SASH1: variants seen among roughly 807,000 people sequenced by gnomAD.
SASH1 encodes the protein SAM and SH3 domain containing 1.
In SASH1, 44 loss-of-function variants were observed where a neutral mutation model predicts 125.2. That is an observed-to-expected ratio of 0.35 (90% CI 0.28 to 0.45). The LOEUF is 0.45. SASH1 is among the 20% of genes least tolerant of loss of function. The pLI, the probability that SASH1 is intolerant of heterozygous loss-of-function variation, is 1.00. For missense variants in SASH1, 1,426 were observed against 1,614.5 expected, an observed-to-expected ratio of 0.88 and a Z score of 2.00; for synonymous variants, 639 against 649.1, an observed-to-expected ratio of 0.98 and a Z score of 0.24.
At chr6:148,421,087 AAAAAGAAAAG>A (rs1186104166) in intron 2 of SASH1, among the ~76,000 whole-genome samples, 6 of 150,180 alleles carry the variant, frequency 4.0e-5, no homozygotes, top group African/African-American at 1.2e-4. Flanking sequence ...CTGTCTCCAA[AAAAAGAAAAG>A]AAAAGAAAAG....
intron 1 of SASH1, among the ~76,000 whole-genome samples, chr6:148,367,455 G>A (rs773664728): frequency 2.0e-5 from 3 of 152,144 alleles, no homozygotes; most frequent in Non-Finnish European, 4.4e-5. Flanking sequence ...GAGGCCCTGC[G>A]CAGGTCTGCA....
At chr6:148,442,204 T>C (rs2115008987) in intron 4 of SASH1, among the ~76,000 whole-genome samples, 1 of 151,958 alleles carries the variant, frequency 6.6e-6, no homozygotes, top group Non-Finnish European at 1.5e-5. Context: ...CTGGGCAACA[T>C]AGTAAGACCC....
At chr6:148,444,130 G>A (rs1302289982) in intron 4 of SASH1, among the ~76,000 whole-genome samples, 4 of 152,292 alleles carry the variant, frequency 2.6e-5, no homozygotes, top group South Asian at 2.1e-4. Context: ...CTGCTCCTGC[G>A]ACTCCTGCCT....
intron 12 of SASH1, among the ~76,000 whole-genome samples, 165 bp downstream of exon 12, chr6:148,527,761 G>A (rs1304194168): frequency 2.0e-5 from 3 of 152,162 alleles, no homozygotes; most frequent in African/African-American, 7.2e-5. Flanking sequence ...TTCAACACAC[G>A]TTTATTAAGC....
At chr6:148,214,976 G>A in the SASH1 span, among the ~76,000 whole-genome samples, 56 of 152,300 alleles carry the variant, frequency 3.7e-4, no homozygotes, top group Middle Eastern at 6.8e-3. Flanking sequence ...GATGGATGTA[G>A]AAGAGCTATT....
At chr6:148,453,006 T>A (rs895193964) in intron 4 of SASH1, among the ~76,000 whole-genome samples, 2 of 152,238 alleles carry the variant, frequency 1.3e-5, no homozygotes, top group African/African-American at 4.8e-5. Context: ...CACAGCATAT[T>A]TGAAGGGCTC....
Position 148,504,269 on chromosome 6 carries a change from G to A in SASH1, c.730-10055G>A, listed in dbSNP as rs373138834. On this transcript the variant is annotated intron_variant, in intron 8 of 19. Coordinates refer to ENST00000367467, the MANE Select transcript of SASH1 (RefSeq NM_015278.5). ...ATGGGCATGGGGTGTTTGAGATGCTGCAAGGAAGCAGGGGGTGAGACCGGG... is the reference window on the plus strand; with the variant it reads ...ATGGGCATGGGGTGTTTGAGATGCTACAAGGAAGCAGGGGGTGAGACCGGG... 2.6e-5 allele frequency among the ~76,000 whole-genome samples: 4 copies of A among 152,272 alleles called. No homozygotes were observed. In the South Asian group the frequency reaches 6.2e-4, roughly 24 times the overall value.
At chr6:148,477,626 A>G (rs113399308) in intron 7 of SASH1, among the ~76,000 whole-genome samples, 130 of 151,886 alleles carry the variant, frequency 8.6e-4, no homozygotes, top group African/African-American at 3.1e-3. Context: ...CCTGGGTTCA[A>G]GTGATTCTCC....
chr6:148,524,121 A>ATATATATATATATAT lies in SASH1; in HGVS notation c.1210-1169_1210-1168insATATATATATATATT, dbSNP rs1193506716. Among the ~76,000 whole-genome samples, 181 of 128,564 alleles carry ATATATATATATATAT rather than the reference A, an allele frequency of 1.4e-3. 1 individual carries two copies. Among genetic ancestry groups the ATATATATATATATAT allele is most frequent in the Non-Finnish European group, 2.3e-3 (137 of 60,764 alleles). The allele number at this position is 128,564 out of a possible 152,430, so 84.3% of individuals were successfully genotyped here. ...ATTATATATATATATATATATATAT[A>ATATATATATATATAT]TTTTTTTTAATGAATAAGCAATGCT... On this transcript the variant is annotated intron_variant, in intron 10 of 19. Coordinates refer to ENST00000367467, the MANE Select transcript of SASH1 (RefSeq NM_015278.5).
At chr6:148,294,888 C>T (rs374571161) in intron 1 of SASH1, among the ~76,000 whole-genome samples, 104 of 152,306 alleles carry the variant, frequency 6.8e-4, no homozygotes, top group African/African-American at 2.2e-3. Flanking sequence ...TCCCTGTGCT[C>T]TATATTGACA....
the SASH1 span, among the ~76,000 whole-genome samples, chr6:148,253,074 A>G: frequency 1.3e-5 from 2 of 152,238 alleles, no homozygotes; most frequent in East Asian, 3.9e-4. Context: ...GGCACCAAAG[A>G]TAGCTGGTCC....
At chr6:148,459,163 G>C (rs188163269) in intron 4 of SASH1, among the ~76,000 whole-genome samples, 32 of 152,222 alleles carry the variant, frequency 2.1e-4, no homozygotes, top group African/African-American at 7.5e-4. Context: ...TGGCATTCAT[G>C]GAGCAATTTT....
rs1251194752 is a variant in SASH1, at chr6:148,551,853, A to G, written c.*3295A>G. 6.6e-6 allele frequency: 1 copy of G among 152,664 alleles called. No homozygotes were observed. The highest frequency in any genetic ancestry group is 1.9e-4 in the East Asian group (1 of 5,202). The allele number at this position is 152,664 out of a possible 1,614,324, so 9.5% of individuals were successfully genotyped here. A position where few individuals can be genotyped will look rare whatever the true frequency, so the allele number is the denominator to read the frequency against. On this transcript the variant is annotated 3_prime_UTR_variant, in exon 20 of 20. Coordinates refer to ENST00000367467, the MANE Select transcript of SASH1 (RefSeq NM_015278.5). ...ACATTGTAAGTAGCTGTAATATACC[A>G]GTACCAATATGTTCTTGCAATTGCT...
intron 8 of SASH1, chr6:148,513,987 A>C: frequency 2.0e-6 from 2 of 1,009,548 alleles, no homozygotes; most frequent in African/African-American, 3.4e-5. Context: ...TGAAACTGGA[A>C]TTACAGGGCC....
At chr6:148,537,427 G>T (rs1421570714) in intron 16 of SASH1, among the ~76,000 whole-genome samples, 2 of 152,146 alleles carry the variant, frequency 1.3e-5, no homozygotes, top group Admixed American at 6.5e-5. Flanking sequence ...ATTTTTACTT[G>T]TGGTAAAATA....
Position 148,533,965 on chromosome 6 carries a change from T to C in SASH1, c.1929T>C (p.Asp643=), listed in dbSNP as rs140943456. 13 of 1,613,858 alleles carry C rather than the reference T, an allele frequency of 8.1e-6. No individual in the cohort carries two copies. Among genetic ancestry groups the C allele is most frequent in the African/African-American group, 2.7e-5 (2 of 74,922 alleles). The part of the protein sequence containing the change: ...PQPKSVEDLL[D]RINLKEHMPT... ...CCAAGTCTGTGGAGGATCTCCTGGA[T>C]CGGATTAACCTAAAAGTCAGTCGCT... is the stretch of plus-strand genomic sequence containing the variant. The change falls in exon 15 of 20, where the codon GAT becomes GAC. Residue 643 remains aspartate, a synonymous_variant. Coordinates refer to ENST00000367467, the MANE Select transcript of SASH1 (RefSeq NM_015278.5). This position sits in a 1 kb window ranked among gnomAD's most constrained non-coding sequence, Gnocchi z 6.2.
chr6:148,315,951 T>C (rs1433762678), intron 1 of SASH1, among the ~76,000 whole-genome samples: 3 of 152,128 alleles, frequency 2.0e-5, no homozygotes, highest in African/African-American at 7.2e-5. Flanking sequence ...GCCACACCCA[T>C]GGGCATTTCA....
At chr6:148,227,434 T>G in the SASH1 span, among the ~76,000 whole-genome samples, 1 of 152,194 alleles carries the variant, frequency 6.6e-6, no homozygotes, top group African/African-American at 2.4e-5. Context: ...CTCAGCTCAC[T>G]GCAACCTCCG....
chr6:148,421,198 A>AAAGAAAGAAAGAAAGG (rs1785079667), intron 2 of SASH1, among the ~76,000 whole-genome samples: 1 of 143,348 alleles, frequency 7.0e-6, no homozygotes, highest in African/African-American at 2.5e-5. Context: ...AGAAAGAAAG[A>AAAGAAAGAAAGAAAGG]AAGAAAGAAA....
Sources: gnomAD v4.1 joint callset for allele counts (sites outside exome capture counted in the v4.1 genomes callset) on GRCh38, gnomAD v4.1.1 for gene constraint, Gnocchi (gnomAD v3.1) non-coding constraint, MANE v1.5 for transcripts, NCBI Gene and HGNC (gene_info 2026-07-23, HGNC 2026-07-21) for gene names.